Variants in CPE observed in about 807,000 individuals in gnomAD.
CPE encodes the protein carbocypeptidase E.
A neutral mutation model predicts 53.5 loss-of-function variants in CPE; 17 were observed. The ratio of observed to expected loss-of-function variants is 0.32; its 90% CI spans 0.22 to 0.48. The LOEUF (loss-of-function observed/expected upper bound fraction) is 0.48. Among genes scored for constraint, CPE ranks in the 20% least tolerant of loss-of-function variants. The pLI is 0.99. For synonymous variants in CPE, 226 were observed against 228.8 expected (o/e 0.99, Z 0.11); for missense variants, 524 against 614.7 (o/e 0.85, Z 1.56).
rs915669587 is a variant in CPE at position 165,410,240 on chromosome 4, G to T, written c.307+30712G>T. On this transcript the variant is annotated intron_variant, in intron 1 of 8. Transcript: ENST00000402744. ...CTGTAACCTGACAGAGGGATACTCTGTAAAAAAAAAAAAAAAAAAATCAGA... is the reference window on the plus strand; with the variant it reads ...CTGTAACCTGACAGAGGGATACTCTTTAAAAAAAAAAAAAAAAAAATCAGA... Among the ~76,000 whole-genome samples, 4 of 105,930 alleles carry T rather than the reference G, an allele frequency of 3.8e-5. No individual in the cohort carries two copies. In the Admixed American group the frequency reaches 4.0e-4, roughly 11 times the overall value. The allele number at this position is 105,930 out of a possible 152,430, so 69.5% of individuals were successfully genotyped here.
At chr4:165,463,291 G>A (rs1732040184) in intron 1 of CPE, among the ~76,000 whole-genome samples, 1 of 152,124 alleles carries the variant, frequency 6.6e-6, no homozygotes, top group Admixed American at 6.6e-5. Context: ...ACAATGACAA[G>A]ATAATGTCAT....
chr4:165,408,226 C>T (rs1245391305), intron 1 of CPE, among the ~76,000 whole-genome samples: 2 of 152,094 alleles, frequency 1.3e-5, no homozygotes, highest in East Asian at 3.9e-4. Context: ...ATCTAAAAAA[C>T]CATTGCGTAA....
intron 1 of CPE, among the ~76,000 whole-genome samples, chr4:165,430,121 T>C (rs1185592577): frequency 6.6e-6 from 1 of 152,182 alleles, no homozygotes; most frequent in Non-Finnish European, 1.5e-5. Flanking sequence ...TTTTTGAAAA[T>C]CAGTTTTTAG....
intron 1 of CPE, among the ~76,000 whole-genome samples, chr4:165,410,237 T>A (rs2126667341): frequency 7.5e-6 from 1 of 133,918 alleles, no homozygotes; most frequent in Admixed American, 7.5e-5. Context: ...AGAGGGATAC[T>A]CTGTAAAAAA....
intron 1 of CPE, among the ~76,000 whole-genome samples, chr4:165,401,668 G>A (rs1031375477): frequency 5.3e-5 from 8 of 152,124 alleles, no homozygotes; most frequent in Admixed American, 3.9e-4. Context: ...TTCTTGTCTT[G>A]TGGAACATCT....
intron 1 of CPE, among the ~76,000 whole-genome samples, chr4:165,416,648 C>T (rs9308105): frequency 0.31 from 47,417 of 151,272 alleles, 7,479 homozygotes; most frequent in Middle Eastern, 0.41. Context: ...GCCTGGCTAT[C>T]TTCTTCTCAA....
chr4:165,485,655 CT>C (rs1732494682), intron 5 of CPE, among the ~76,000 whole-genome samples: 1 of 152,020 alleles, frequency 6.6e-6, no homozygotes, highest in African/African-American at 2.4e-5. Context: ...CTTGGAATTC[CT>C]TTTTGAACAA....
chr4:165,468,496 C>A (rs1376726287), intron 3 of CPE, among the ~76,000 whole-genome samples: 1 of 152,198 alleles, frequency 6.6e-6, no homozygotes, highest in Non-Finnish European at 1.5e-5. Flanking sequence ...CTTGATATCT[C>A]AAGCTCAGGT....
intron 1 of CPE, among the ~76,000 whole-genome samples, chr4:165,395,854 G>A (rs1043771376): frequency 2.6e-5 from 4 of 152,310 alleles, no homozygotes; most frequent in Middle Eastern, 3.4e-3. Context: ...CACTTGTCAT[G>A]AAAGGTTTGT....
At chr4:165,449,869 C>T (rs112279323) in intron 1 of CPE, among the ~76,000 whole-genome samples, 1,705 of 151,668 alleles carry the variant, frequency 0.011, 28 homozygotes, top group African/African-American at 0.038. Flanking sequence ...AACTTGAAAA[C>T]GGCTGTTTAT....
chr4:165,488,858 A>G (rs1010758217), intron 6 of CPE, among the ~76,000 whole-genome samples: 2 of 152,022 alleles, frequency 1.3e-5, no homozygotes, highest in African/African-American at 4.8e-5. Context: ...CTAAAAAAAA[A>G]AAGAAGAAGA....
At position 165,379,538 on chromosome 4, in the gene CPE, C is replaced by T; in HGVS notation, c.307+10C>T. 1 of 1,438,432 alleles carries T rather than the reference C, an allele frequency of 7.0e-7. No individual in the cohort carries two copies. The highest frequency in any genetic ancestry group is 9.3e-7 in the Non-Finnish European group (1 of 1,071,116). The allele number at this position is 1,438,432 out of a possible 1,614,324, so 89.1% of individuals were successfully genotyped here. On this transcript the variant is annotated intron_variant, in intron 1 of 8. Coordinates refer to ENST00000402744, the MANE Select transcript of CPE (RefSeq NM_001873.4). The surrounding 1 kb of genome is among the most constrained non-coding windows in gnomAD (Gnocchi z 6.0). Reference sequence around the variant, plus strand: ...GGCGTCCATGAGCCTGGTAAGGGCGCTGCCCCCTGACAGCCCTGGGGGCAT... The same window carrying T: ...GGCGTCCATGAGCCTGGTAAGGGCGTTGCCCCCTGACAGCCCTGGGGGCAT...
At chr4:165,462,222 G>A (rs530311291) in intron 1 of CPE, among the ~76,000 whole-genome samples, 86 of 152,338 alleles carry the variant, frequency 5.6e-4, no homozygotes, top group African/African-American at 1.9e-3. Context: ...GGGGGAGCAT[G>A]CTCTATCCCA....
chr4:165,477,955 G>A (rs1267060038), intron 3 of CPE, among the ~76,000 whole-genome samples: 2 of 152,100 alleles, frequency 1.3e-5, no homozygotes, highest in African/African-American at 4.8e-5. Context: ...TCTCTAAGTC[G>A]TTTGTCATCG....
intron 7 of CPE, 139 bp from the exon 8 acceptor site, chr4:165,495,420 C>G: frequency 1.7e-6 from 1 of 601,816 alleles, no homozygotes; most frequent in Non-Finnish European, 2.9e-6. Flanking sequence ...ATTAAATTCC[C>G]TATATATTTA....
intron 1 of CPE, among the ~76,000 whole-genome samples, chr4:165,456,553 TC>T (rs1731905219): frequency 7.1e-6 from 1 of 141,436 alleles, no homozygotes; most frequent in African/African-American, 3.0e-5. Context: ...TTTCTCTCTC[TC>T]TTTCTCTCTC....
intron 8 of CPE, among the ~76,000 whole-genome samples, chr4:165,495,991 C>A (rs190007434): frequency 6.6e-6 from 1 of 151,996 alleles, no homozygotes; most frequent in Admixed American, 6.6e-5. Flanking sequence ...TAGCACCTAG[C>A]GCAGTGCCTT....
At chr4:165,490,526 C>T (rs963692151) in intron 6 of CPE, among the ~76,000 whole-genome samples, 9 of 149,074 alleles carry the variant, frequency 6.0e-5, no homozygotes, top group South Asian at 2.1e-4. Context: ...CCAGCTACTC[C>T]GGAGGCTGAG....
At chr4:165,417,807 C>T (rs1731150546) in intron 1 of CPE, among the ~76,000 whole-genome samples, 1 of 151,482 alleles carries the variant, frequency 6.6e-6, no homozygotes, top group African/African-American at 2.4e-5. Context: ...AAATCTCCAG[C>T]CCCTGGTATC....
Sources: gnomAD v4.1 joint callset for allele counts (sites outside exome capture counted in the v4.1 genomes callset) on GRCh38, gnomAD v4.1.1 for gene constraint, Gnocchi (gnomAD v3.1) non-coding constraint, MANE v1.5 for transcripts, NCBI Gene and HGNC (gene_info 2026-07-23, HGNC 2026-07-21) for gene names.